Variants in ZNF592 observed in about 807,000 individuals in gnomAD.
The protein encoded by ZNF592 is spinocerebellar ataxia, autosomal recessive 5.
In ZNF592, 11 loss-of-function variants were observed where a neutral mutation model predicts 80.3. The observed-to-expected ratio is 0.14, with a 90% confidence interval of 0.09 to 0.23. The LOEUF (loss-of-function observed/expected upper bound fraction) is 0.23. Among genes scored for constraint, ZNF592 ranks in the 10% least tolerant of loss-of-function variants. The probability of loss-of-function intolerance (pLI) is 1.00; values close to 1 mark genes in which losing one functional copy is unlikely to be tolerated. For synonymous variants in ZNF592, 646 were observed against 640.3 expected, an observed-to-expected ratio of 1.01 and a Z score of -0.13; for missense variants, 1,420 against 1,633.9, an observed-to-expected ratio of 0.87 and a Z score of 2.26.
chr15:84,768,034 G>A (rs1028405004), intron 2 of ZNF592, among the ~76,000 whole-genome samples: 3 of 150,144 alleles, frequency 2.0e-5, no homozygotes, highest in Non-Finnish European at 4.4e-5. Context: ...GTGCCACCAC[G>A]CCCAGCTAAT....
chr15:84,766,187 A>G (rs532606307), intron 2 of ZNF592, among the ~76,000 whole-genome samples: 1 of 151,972 alleles, frequency 6.6e-6, no homozygotes, highest in South Asian at 2.1e-4. Context: ...TACATGGTCA[A>G]TCTTGTTTCA....
rs1963203909 is a variant in ZNF592 at position 84,805,060 on chromosome 15, T to C, written c.*2667T>C. Reference sequence around the variant, plus strand: ...TCAGTGGTTTGCAGCCCCCCAGACATTTGCTTTCCTACTTCCCATGCAGTT... The same window carrying C: ...TCAGTGGTTTGCAGCCCCCCAGACACTTGCTTTCCTACTTCCCATGCAGTT... On this transcript the variant is annotated 3_prime_UTR_variant, in exon 11 of 11. Transcript: ENST00000560079. 1 of 152,154 alleles carries C rather than the reference T, an allele frequency of 6.6e-6. No individual in the cohort carries two copies. The highest frequency in any genetic ancestry group is 2.4e-5 in the African/African-American group (1 of 41,430). 9.4% of individuals were successfully genotyped at this position (152,154 alleles called of 1,614,324 possible).
At chr15:84,797,751 G>C (rs1352658810) in intron 5 of ZNF592, 118 bp from the exon 6 acceptor site, 3 of 1,157,324 alleles carry the variant, frequency 2.6e-6, no homozygotes, top group East Asian at 4.7e-5. Flanking sequence ...GATTGAGGGA[G>C]GGAGAAGGTG....
intron 5 of ZNF592, among the ~76,000 whole-genome samples, chr15:84,794,341 T>G (rs1413098667): frequency 6.6e-6 from 1 of 152,168 alleles, no homozygotes; most frequent in Non-Finnish European, 1.5e-5. Flanking sequence ...CCACCAGCAG[T>G]GTATCTAGGT....
chr15:84,799,866 C>G lies in ZNF592; in HGVS notation c.3162C>G (p.Ser1054Arg), dbSNP rs1171913417. Residue 1054 changes from serine to arginine, a missense_variant, in exon 10 of 11, where the codon AGC becomes AGG. Ser to Arg is a moderately radical substitution (Grantham distance 110). Coordinates refer to ENST00000560079, the MANE Select transcript of ZNF592 (RefSeq NM_014630.3). This position sits in a 1 kb window ranked among gnomAD's most constrained non-coding sequence, Gnocchi z 4.2. ...GGTACTGCACAGAGGACAGCCCCAG[C>G]TTTCCTCGGCCCTCCCTTCTGGAGA... Reference protein sequence around the residue: ...TCGYCTEDSPSFPRPSLLESH... With the variant: ...TCGYCTEDSPRFPRPSLLESH... The G allele has an allele frequency of 6.2e-7, 1 of 1,614,192 alleles. No homozygotes were observed. The highest frequency in any genetic ancestry group is 2.2e-5 in the East Asian group (1 of 44,882).
At chr15:84,786,779 C>A (rs533391330) in intron 4 of ZNF592, among the ~76,000 whole-genome samples, 22 of 151,616 alleles carry the variant, frequency 1.5e-4, no homozygotes, top group Non-Finnish European at 2.8e-4. Flanking sequence ...CATGAGGAGG[C>A]CCCATGGCAG....
intron 5 of ZNF592, among the ~76,000 whole-genome samples, chr15:84,794,520 G>C (rs1962838504): frequency 2.0e-5 from 3 of 151,466 alleles, no homozygotes; most frequent in African/African-American, 7.3e-5. Flanking sequence ...CTGTTGACCA[G>C]GCTGGAGTGC....
At chr15:84,771,573 C>G (rs1327085410) in intron 2 of ZNF592, among the ~76,000 whole-genome samples, 1 of 152,102 alleles carries the variant, frequency 6.6e-6, no homozygotes, top group Non-Finnish European at 1.5e-5. Flanking sequence ...TCTTGGTGAT[C>G]AGATGTATGT....
chr15:84,786,128 G>A (rs774385837), intron 4 of ZNF592, among the ~76,000 whole-genome samples: 2 of 152,168 alleles, frequency 1.3e-5, no homozygotes, highest in African/African-American at 4.8e-5. Context: ...TGTTCCCTGA[G>A]TGCCCACTGT....
intron 1 of ZNF592, among the ~76,000 whole-genome samples, chr15:84,764,056 C>T (rs11633450): frequency 0.2 from 30,144 of 152,248 alleles, 3,790 homozygotes; most frequent in Middle Eastern, 0.37. Flanking sequence ...CCTCTTCCTA[C>T]ACTGCTATCT....
rs554031132 is a variant in ZNF592 at position 84,784,909 on chromosome 15, C to T, written c.2220+14C>T. 5.1e-4 allele frequency: 819 copies of T among 1,614,040 alleles called. 5 individuals are homozygous for T. In the South Asian group the frequency reaches 8.2e-3, roughly 16 times the overall value. Reference sequence around the variant, plus strand: ...ACAGAGGGGCTGGTAAGCAGACCCTCACTGTTACGGGTATCGGGCCCCTGG... The same window carrying T: ...ACAGAGGGGCTGGTAAGCAGACCCTTACTGTTACGGGTATCGGGCCCCTGG... On this transcript the variant is annotated intron_variant, in intron 4 of 10. Transcript: ENST00000560079. The surrounding 1 kb of genome is among the most constrained non-coding windows in gnomAD (Gnocchi z 5.8).
intron 1 of ZNF592, among the ~76,000 whole-genome samples, chr15:84,758,433 C>A (rs1287159338): frequency 6.6e-6 from 1 of 151,934 alleles, no homozygotes; most frequent in Non-Finnish European, 1.5e-5. Flanking sequence ...CAGGCGTGCA[C>A]CACCACACCA....
At chr15:84,760,596 A>G (rs899114890) in intron 1 of ZNF592, among the ~76,000 whole-genome samples, 4 of 152,282 alleles carry the variant, frequency 2.6e-5, no homozygotes, top group South Asian at 2.1e-4. Context: ...ATGGTGCTCA[A>G]TATTATTGAA....
rs1356344190 is a variant in ZNF592, at chr15:84,802,313, G to T, written c.3724G>T (p.Asp1242Tyr). 2 of 1,613,938 alleles carry T rather than the reference G, an allele frequency of 1.2e-6. No individual in the cohort carries two copies. Among genetic ancestry groups the T allele is most frequent in the Non-Finnish European group, 1.7e-6 (2 of 1,179,958 alleles). The change falls in exon 11 of 11, where the codon GAC becomes TAC. Residue 1242 changes from aspartate (D) to tyrosine (Y), a missense_variant. Transcript: ENST00000560079. ...GAGATTGCTGGGCCCGGCCCCTGAGGACGATGGTGGCCACAATGATCACAG... is the reference window on the plus strand; with the variant it reads ...GAGATTGCTGGGCCCGGCCCCTGAGTACGATGGTGGCCACAATGATCACAG... ...ARRLLGPAPE[D>Y]DGGHNDHSQP...
At chr15:84,770,378 A>G (rs991428016) in intron 2 of ZNF592, among the ~76,000 whole-genome samples, 17 of 152,238 alleles carry the variant, frequency 1.1e-4, no homozygotes, top group African/African-American at 3.9e-4. Context: ...AATGTTCAGT[A>G]AACTACAGTA....
intron 4 of ZNF592, among the ~76,000 whole-genome samples, chr15:84,789,444 A>G (rs910443313): frequency 6.6e-6 from 1 of 152,158 alleles, no homozygotes; most frequent in Non-Finnish European, 1.5e-5. Flanking sequence ...TTTTTGGTAC[A>G]CACCCAGAAG....
At position 84,784,791 on chromosome 15, in the gene ZNF592, C is replaced by T; in HGVS notation, c.2116C>T (p.Leu706Phe). 2 of 1,614,154 alleles carry T rather than the reference C, an allele frequency of 1.2e-6. No homozygotes were observed. The highest frequency in any genetic ancestry group is 1.7e-6 in the Non-Finnish European group (2 of 1,180,034). The change falls in exon 4 of 11, where the codon CTC (leucine) becomes TTC (phenylalanine). Residue 706 changes from leucine (L) to phenylalanine (F), a missense_variant. Leu to Phe is a conservative substitution (Grantham distance 22). Transcript: ENST00000560079. The surrounding 1 kb of genome is among the most constrained non-coding windows in gnomAD (Gnocchi z 5.8). ...GCCACTCTACCCAGACCCTGTGAGGCTCATCCGGTACTCAATCAAGTGTCT... is the reference window on the plus strand; with the variant it reads ...GCCACTCTACCCAGACCCTGTGAGGTTCATCCGGTACTCAATCAAGTGTCT... ...ALPLYPDPVR[L>F]IRYSIKCLEC...
At position 84,803,269 on chromosome 15, in the gene ZNF592, A is replaced by G. The variant is rs568936384; in HGVS notation, c.*876A>G. The G allele has an allele frequency of 6.6e-6, 1 of 152,622 alleles. No homozygotes were observed. Among genetic ancestry groups the G allele is most frequent in the Non-Finnish European group, 1.5e-5 (1 of 68,052 alleles). The allele number at this position is 152,622 out of a possible 1,614,324, so 9.5% of individuals were successfully genotyped here. A position where few individuals can be genotyped will look rare whatever the true frequency, so the allele number is the denominator to read the frequency against. On this transcript the variant is annotated 3_prime_UTR_variant, in exon 11 of 11. Transcript: ENST00000560079. ...TGGCTACACTCATGTTGCTCAGACT[A>G]TATTTCAAATAAAAAATCTTCTCAC...
At chr15:84,765,535 GTTTTT>G (rs71453265) in intron 2 of ZNF592, among the ~76,000 whole-genome samples, 1 of 92,278 alleles carries the variant, frequency 1.1e-5, no homozygotes, top group Non-Finnish European at 2.0e-5. Flanking sequence ...TGTTATTATT[GTTTTT>G]TTTTTTTTTT....
Sources: allele counts gnomAD v4.1 joint callset (sites outside exome capture counted in the v4.1 genomes callset), GRCh38; gene constraint gnomAD v4.1.1; non-coding constraint Gnocchi (gnomAD v3.1); transcripts MANE v1.5; gene names NCBI Gene and HGNC (gene_info 2026-07-23, HGNC 2026-07-21).